SLC24A4: variants seen among roughly 807,000 people sequenced by gnomAD.
The protein encoded by SLC24A4 is sodium/potassium/calcium exchanger 4.
A neutral mutation model predicts 79.0 loss-of-function variants in SLC24A4; 53 were observed. That is an observed-to-expected ratio of 0.67 (90% CI 0.54 to 0.84). The LOEUF (loss-of-function observed/expected upper bound fraction) is 0.84, where lower values mean the gene tolerates loss of function less well. Among genes scored for constraint, SLC24A4 ranks in the 40% least tolerant of loss-of-function variants. SLC24A4 has a pLI of 0.00. For missense variants in SLC24A4, 731 were observed against 822.0 expected, an observed-to-expected ratio of 0.89 and a Z score of 1.35; for synonymous variants, 323 against 323.8, an observed-to-expected ratio of 1.00 and a Z score of 0.03.
At chr14:92,483,277 C>T (rs191780793) in intron 13 of SLC24A4, among the ~76,000 whole-genome samples, 8 of 152,306 alleles carry the variant, frequency 5.3e-5, no homozygotes, top group South Asian at 2.1e-4. Context: ...CTCCTCCCCC[C>T]ACTGATGTGC....
In SLC24A4 at chr14:92,441,861, G is replaced by C. The variant is rs546355591; in HGVS notation, c.394-228G>C. 6.6e-6 allele frequency among the ~76,000 whole-genome samples: 1 copy of C among 152,326 alleles called. No homozygotes were observed. The highest frequency in any genetic ancestry group is 1.9e-4 in the East Asian group (1 of 5,188). ...ACGGGCTTGGAGGACAAACAGAAAGGAGATAGTTGGGGGTGGGGAAGGGGC... is the reference window on the plus strand; with the variant it reads ...ACGGGCTTGGAGGACAAACAGAAAGCAGATAGTTGGGGGTGGGGAAGGGGC... On this transcript the variant is annotated intron_variant, in intron 4 of 16. Coordinates refer to ENST00000532405, the MANE Select transcript of SLC24A4 (RefSeq NM_153646.4). The surrounding 1 kb of genome is among the most constrained non-coding windows in gnomAD (Gnocchi z 4.6).
chr14:92,449,573 C>T (rs10132800), intron 10 of SLC24A4, among the ~76,000 whole-genome samples: 2,120 of 152,320 alleles, frequency 0.014, 62 homozygotes, highest in African/African-American at 0.048. Flanking sequence ...TAAGGGCCCA[C>T]GACAGGCAGC....
chr14:92,435,864 T>G (rs1288905613), intron 3 of SLC24A4, among the ~76,000 whole-genome samples: 2 of 152,196 alleles, frequency 1.3e-5, no homozygotes, highest in African/African-American at 4.8e-5. Context: ...CCCCTTTCAC[T>G]AAGGGACTGT....
At chr14:92,373,438 A>G (rs1035408425) in intron 2 of SLC24A4, among the ~76,000 whole-genome samples, 1 of 152,112 alleles carries the variant, frequency 6.6e-6, no homozygotes, top group Non-Finnish European at 1.5e-5. Context: ...ACAGGCACCT[A>G]AGGCATCAGG....
chr14:92,382,596 G>A (rs1468814806), intron 2 of SLC24A4, among the ~76,000 whole-genome samples: 5 of 152,148 alleles, frequency 3.3e-5, no homozygotes, highest in African/African-American at 7.2e-5. Context: ...CTATGAGGTC[G>A]GTAGAAGCAG....
intron 2 of SLC24A4, among the ~76,000 whole-genome samples, chr14:92,331,002 C>G (rs1194312137): frequency 1.3e-5 from 2 of 152,162 alleles, no homozygotes; most frequent in Non-Finnish European, 2.9e-5. Flanking sequence ...TCAACCTTGG[C>G]CTGTAAATGA....
At chr14:92,431,475 G>A (rs998254796) in intron 2 of SLC24A4, among the ~76,000 whole-genome samples, 29 of 152,154 alleles carry the variant, frequency 1.9e-4, no homozygotes, top group African/African-American at 7.0e-4. Flanking sequence ...ACAAGGGTGG[G>A]AGGCCACAGG....
chr14:92,330,155 G>GCC (rs11377698), intron 2 of SLC24A4, among the ~76,000 whole-genome samples: 8 of 152,082 alleles, frequency 5.3e-5, no homozygotes, highest in African/African-American at 1.4e-4. Flanking sequence ...AGAGTCTCAG[G>GCC]CCCCCCAATC....
chr14:92,396,411 G>C (rs1889781834), intron 2 of SLC24A4, among the ~76,000 whole-genome samples: 1 of 152,230 alleles, frequency 6.6e-6, no homozygotes, highest in Non-Finnish European at 1.5e-5. Context: ...AGTAGAAACA[G>C]ATGAGGTTGG....
intron 2 of SLC24A4, among the ~76,000 whole-genome samples, chr14:92,419,508 G>A (rs895095147): frequency 2.6e-5 from 4 of 152,202 alleles, no homozygotes; most frequent in Admixed American, 1.3e-4. Context: ...GAATGTTGCC[G>A]TGGGCTACTT....
intron 2 of SLC24A4, among the ~76,000 whole-genome samples, chr14:92,352,984 G>A (rs549444266): frequency 2.0e-5 from 3 of 152,296 alleles, no homozygotes; most frequent in African/African-American, 7.2e-5. Flanking sequence ...TCAGTACGGG[G>A]CATTTAAAAA....
intron 2 of SLC24A4, among the ~76,000 whole-genome samples, chr14:92,379,565 C>G (rs1167285375): frequency 1.3e-5 from 2 of 152,134 alleles, no homozygotes; most frequent in Non-Finnish European, 2.9e-5. Flanking sequence ...GCCCCCTCCT[C>G]CTCTCTGGCG....
At chr14:92,433,841 C>G (rs927680264) in intron 2 of SLC24A4, 71 bp from the exon 3 acceptor site, 10 of 1,335,614 alleles carry the variant, frequency 7.5e-6, no homozygotes, top group Admixed American at 1.7e-5. Context: ...AGTGAACTCT[C>G]AGAAGTCAAG....
rs1896037112 is a variant in SLC24A4 at position 92,498,970 on chromosome 14, G to C, written c.*5342G>C. 1 of 152,252 alleles carries C rather than the reference G, an allele frequency of 6.6e-6. No homozygotes were observed. 9.4% of individuals were successfully genotyped at this position (152,252 alleles called of 1,614,324 possible). A position where few individuals can be genotyped will look rare whatever the true frequency, so the allele number is the denominator to read the frequency against. On this transcript the variant is annotated 3_prime_UTR_variant, in exon 17 of 17. Coordinates refer to ENST00000532405, the MANE Select transcript of SLC24A4 (RefSeq NM_153646.4). The stretch of plus-strand genomic sequence containing the variant: ...GTGCCCACCTGGAATCAGGAGAAGA[G>C]GCTTTTCCCTCCTGTTCTGCAACCA...
intron 7 of SLC24A4, 164 bp from the exon 8 acceptor site, chr14:92,445,153 C>G: frequency 1.3e-6 from 1 of 769,080 alleles, no homozygotes; most frequent in Non-Finnish European, 2.3e-6. Flanking sequence ...CTGGCCTAGG[C>G]TACACTAAGG....
intron 2 of SLC24A4, among the ~76,000 whole-genome samples, chr14:92,380,144 G>A (rs771619945): frequency 7.9e-5 from 12 of 152,218 alleles, no homozygotes; most frequent in Non-Finnish European, 1.5e-4. Context: ...AAGCAAAAAC[G>A]GGGTGCTCTG....
intron 2 of SLC24A4, among the ~76,000 whole-genome samples, chr14:92,417,066 GTC>G (rs1891017905): frequency 6.6e-6 from 1 of 152,186 alleles, no homozygotes; most frequent in African/African-American, 2.4e-5. Flanking sequence ...TCTACCTATA[GTC>G]TTTCTTCATC....
chr14:92,380,849 G>A (rs992146766), intron 2 of SLC24A4, among the ~76,000 whole-genome samples: 4 of 152,204 alleles, frequency 2.6e-5, no homozygotes, highest in Non-Finnish European at 4.4e-5. Flanking sequence ...AGGTGCTGCC[G>A]CTCATGAGCT....
At chr14:92,480,286 C>CTTTTTTTTTTTTTTTTTTT (rs66533065) in intron 12 of SLC24A4, among the ~76,000 whole-genome samples, 1 of 63,126 alleles carries the variant, frequency 1.6e-5, no homozygotes, top group Non-Finnish European at 2.9e-5. Flanking sequence ...AGATCTTTCC[C>CTTTTTTTTTTTTTTTTTTT]TTTTTTTTTT....
Sources: allele counts gnomAD v4.1 joint callset (sites outside exome capture counted in the v4.1 genomes callset), GRCh38; gene constraint gnomAD v4.1.1; non-coding constraint Gnocchi (gnomAD v3.1); transcripts MANE v1.5; gene names NCBI Gene and HGNC (gene_info 2026-07-23, HGNC 2026-07-21).